The following ZNF816 variants were observed in gnomAD, a reference collection of about 807,000 sequenced individuals.
ZNF816 encodes zinc finger protein 816.
ZNF816 carries 11 observed loss-of-function variants against 8.3 expected under a neutral mutation model. The ratio of observed to expected loss-of-function variants is 1.32; its 90% CI spans 0.83 to 2.19. The LOEUF is 2.19. ZNF816 is among the 30% of genes most tolerant of loss of function. ZNF816 has a pLI of 0.00. For missense variants in ZNF816, 710 were observed against 779.3 expected, an observed-to-expected ratio of 0.91 and a Z score of 1.06; for synonymous variants, 255 against 254.5, an observed-to-expected ratio of 1.00 and a Z score of -0.02.
At chr19:52,962,037 C>T (rs940322075) in intron 1 of ZNF816, among the ~76,000 whole-genome samples, 12 of 152,188 alleles carry the variant, frequency 7.9e-5, no homozygotes, top group East Asian at 1.9e-4. Flanking sequence ...TATACAACAG[C>T]ACAACAAGGA....
chr19:52,961,977 A>G lies in ZNF816; in HGVS notation c.-16+750T>C, dbSNP rs551385722. Among the ~76,000 whole-genome samples, 25 of 152,338 alleles carry G rather than the reference A, an allele frequency of 1.6e-4. No individual in the cohort carries two copies. The South Asian group carries it at 4.6e-3, about 28-fold the overall frequency. On this transcript the variant is annotated intron_variant, in intron 1 of 3. Coordinates refer to ENST00000444460, the MANE Select transcript of ZNF816 (RefSeq NM_001202457.3). Reference sequence around the variant, plus strand: ...CAATACTATGTAGCTAAGGAAAGAAAAAACTTCAGCAACCCCGTAAGAAAG... The same window carrying G: ...CAATACTATGTAGCTAAGGAAAGAAGAAACTTCAGCAACCCCGTAAGAAAG...
In ZNF816 at chr19:52,951,446, A is replaced by C. The variant is rs2083459413; in HGVS notation, c.329T>G (p.Ile110Ser). Residue 110 changes from isoleucine (I) to serine (S), a missense_variant, in exon 4 of 4, where the codon ATT (isoleucine) becomes AGT (serine). Physicochemically the swap from Ile to Ser is moderately radical, Grantham distance 142. Transcript: ENST00000444460. ...TTGCCACTGAAACTCAAAGTGATGAATATCTTTCTTCATTTCTGGGAAGCA... is the reference window on the plus strand; with the variant it reads ...TTGCCACTGAAACTCAAAGTGATGACTATCTTTCTTCATTTCTGGGAAGCA... ...DFCFPEMKKD[I>S]HHFEFQWQEV... 1.9e-6 allele frequency: 3 copies of C among 1,613,924 alleles called. No homozygotes were observed. The highest frequency in any genetic ancestry group is 2.2e-5 in the South Asian group (2 of 91,084).
chr19:52,959,040 C>T (rs2083534334), intron 1 of ZNF816, among the ~76,000 whole-genome samples: 1 of 152,224 alleles, frequency 6.6e-6, no homozygotes, highest in South Asian at 2.1e-4. Context: ...TTGATCCAAA[C>T]TGTGGGGCCC....
chr19:52,961,958 T>C (rs1293929673), intron 1 of ZNF816, among the ~76,000 whole-genome samples: 3 of 152,104 alleles, frequency 2.0e-5, no homozygotes, highest in Non-Finnish European at 4.4e-5. Flanking sequence ...TAGACAATAC[T>C]ATGTAGCTAA....
Position 52,953,015 on chromosome 19 carries a change from A to G in ZNF816, c.64-138T>C. 5 of 1,415,954 alleles carry G rather than the reference A, an allele frequency of 3.5e-6. No individual in the cohort carries two copies. The South Asian group carries it at 8.0e-5, about 23-fold the overall frequency. 87.7% of individuals were successfully genotyped at this position (1,415,954 alleles called of 1,614,324 possible). On this transcript the variant is annotated intron_variant, in intron 2 of 3. Transcript: ENST00000444460. The stretch of plus-strand genomic sequence containing the variant: ...CAAATTTATGTTAAGGTATTTTTGA[A>G]CAATTTTTCAGTATAGTTGCATTTT...
chr19:52,953,527 AATAT>A (rs1327749087), intron 2 of ZNF816: 1 of 53,024 alleles, frequency 1.9e-5, no homozygotes, highest in East Asian at 3.7e-4. Context: ...ATATATTTAT[AATAT>A]ATAATATATA....
intron 2 of ZNF816, among the ~76,000 whole-genome samples, chr19:52,954,409 G>A (rs2083491821): frequency 6.6e-6 from 1 of 152,076 alleles, no homozygotes; most frequent in Non-Finnish European, 1.5e-5. Context: ...AAACAAAACT[G>A]TCAAGGACTC....
intron 2 of ZNF816, among the ~76,000 whole-genome samples, chr19:52,955,589 C>T (rs1405920989): frequency 6.6e-6 from 1 of 152,194 alleles, no homozygotes; most frequent in African/African-American, 2.4e-5. Flanking sequence ...ATTACAAAAT[C>T]AGACACAAAA....
At chr19:52,960,902 G>A (rs1408589220) in intron 1 of ZNF816, among the ~76,000 whole-genome samples, 1 of 152,216 alleles carries the variant, frequency 6.6e-6, no homozygotes, top group Non-Finnish European at 1.5e-5. Context: ...ACACCCGGAA[G>A]CTGACTGGTC....
In ZNF816 at chr19:52,950,059, C is replaced by A. The variant is rs2122132176; in HGVS notation, c.1716G>T (p.Lys572Asn). 1 of 1,613,828 alleles carries A rather than the reference C, an allele frequency of 6.2e-7. No individual in the cohort carries two copies. Among genetic ancestry groups the A allele is most frequent in the East Asian group, 2.2e-5 (1 of 44,842 alleles). ...CAAGGATTCCTTTTTGATTAAAAAC[C>A]TTCGCACATTTATTACACTTGTAAG... ...EKPYKCNKCA[K>N]VFNQKGILAQ... Residue 572 changes from lysine to asparagine, a missense_variant, in exon 4 of 4, where the codon AAG (lysine) becomes AAT (asparagine). Physicochemically the swap from Lys to Asn is moderately conservative, Grantham distance 94. Transcript: ENST00000444460.
rs751005304 is a variant in ZNF816, at chr19:52,952,712, A to G, written c.190+39T>C. 5.0e-6 allele frequency: 8 copies of G among 1,610,216 alleles called. No homozygotes were observed. In the Admixed American group the frequency reaches 5.1e-5, roughly 10 times the overall value. ...AAACCAGAAAGAGCCAAGATAGACA[A>G]GTGCAGATTCCTCATGTCTGGAGGG... On this transcript the variant is annotated intron_variant, in intron 3 of 3. Coordinates refer to ENST00000444460, the MANE Select transcript of ZNF816 (RefSeq NM_001202457.3).
rs372278591 is a variant in ZNF816 at position 52,957,188 on chromosome 19, C to A, written c.-15-1084G>T. Among the ~76,000 whole-genome samples the A allele has an allele frequency of 2.6e-5, 4 of 152,100 alleles. No individual in the cohort carries two copies. The highest frequency in any genetic ancestry group is 7.2e-5 in the African/African-American group (3 of 41,414). The stretch of plus-strand genomic sequence containing the variant: ...TCCGTTGTCTGAGAGGTACTGTCTG[C>A]GGCTCGTCATGCTACATTTCTTGGT... On this transcript the variant is annotated intron_variant, in intron 1 of 3. Transcript: ENST00000444460. The surrounding 1 kb of genome is among the most constrained non-coding windows in gnomAD (Gnocchi z 4.6).
chr19:52,958,862 G>A (rs1434110771), intron 1 of ZNF816, among the ~76,000 whole-genome samples: 1 of 152,202 alleles, frequency 6.6e-6, no homozygotes, highest in East Asian at 1.9e-4. Flanking sequence ...TCTGTACGGA[G>A]TCACAAAGGG....
In ZNF816 at chr19:52,955,999, G is replaced by A. The variant is rs373777996; in HGVS notation, c.63+28C>T. On this transcript the variant is annotated intron_variant, in intron 2 of 3. Transcript: ENST00000444460. ...TGGCACTTCAGAAAGGAAAGAGACAGAAGAATCCACCAAGGAATATCACTT... is the reference window on the plus strand; with the variant it reads ...TGGCACTTCAGAAAGGAAAGAGACAAAAGAATCCACCAAGGAATATCACTT... 7 of 1,594,606 alleles carry A rather than the reference G, an allele frequency of 4.4e-6. No individual in the cohort carries two copies. The African/African-American group carries it at 9.6e-5, about 22-fold the overall frequency.
chr19:52,951,312 G>C lies in ZNF816; in HGVS notation c.463C>G (p.Gln155Glu), dbSNP rs747128636. ...TGCGAATGAAAGCTTAATCCAAGCTGATCTTTAATAGGCTTGTTTCCAGCA... is the reference window on the plus strand; with the variant it reads ...TGCGAATGAAAGCTTAATCCAAGCTCATCTTTAATAGGCTTGTTTCCAGCA... ...RHAGNKPIKD[Q>E]LGLSFHSHLP... The change falls in exon 4 of 4, where the codon CAG becomes GAG. Residue 155 changes from glutamine to glutamate, a missense_variant. Physicochemically the swap from Gln to Glu is conservative, Grantham distance 29 (BLOSUM62 2). Transcript: ENST00000444460. 24 of 1,614,090 alleles carry C rather than the reference G, an allele frequency of 1.5e-5. No homozygotes were observed.
chr19:52,953,720 T>A (rs1600721951), intron 2 of ZNF816, among the ~76,000 whole-genome samples: 1 of 130,930 alleles, frequency 7.6e-6, no homozygotes, highest in African/African-American at 2.8e-5. Flanking sequence ...AGATATTAAA[T>A]ATATATAATA....
At position 52,950,815 on chromosome 19, in the gene ZNF816, C is replaced by T; in HGVS notation, c.960G>A (p.Lys320=). ...TAAGGGATGACTTCTCACTGAAGGT[C>T]TTGCCACACTCATTACACTTGTAAG... ...EKPYKCNECG[K]TFSEKSSLRC... The change falls in exon 4 of 4, where the codon AAG becomes AAA. Residue 320 remains lysine, a synonymous_variant. Coordinates refer to ENST00000444460, the MANE Select transcript of ZNF816 (RefSeq NM_001202457.3). 2.5e-6 allele frequency: 4 copies of T among 1,613,896 alleles called. No individual in the cohort carries two copies. Among genetic ancestry groups the T allele is most frequent in the Non-Finnish European group, 3.4e-6 (4 of 1,180,014 alleles).
Position 52,949,418 on chromosome 19 carries a change from C to T in ZNF816, c.*401G>A. On this transcript the variant is annotated 3_prime_UTR_variant, in exon 4 of 4. Coordinates refer to ENST00000444460, the MANE Select transcript of ZNF816 (RefSeq NM_001202457.3). The stretch of plus-strand genomic sequence containing the variant: ...TTTTTTATATTCATTTTATTTGGAA[C>T]AATTATCTCAAAAATGAATTTTCTG... 2 of 294,004 alleles carry T rather than the reference C, an allele frequency of 6.8e-6. No individual in the cohort carries two copies. The highest frequency in any genetic ancestry group is 7.9e-5 in the South Asian group (2 of 25,348). The allele number at this position is 294,004 out of a possible 1,614,324, so 18.2% of individuals were successfully genotyped here.
rs753180907 is a variant in ZNF816, at chr19:52,949,774, T to G, written c.*45A>C. On this transcript the variant is annotated 3_prime_UTR_variant, in exon 4 of 4. Coordinates refer to ENST00000444460, the MANE Select transcript of ZNF816 (RefSeq NM_001202457.3). Reference sequence around the variant, plus strand: ...TCTCTCTTCAATATGGATTCTGTAATGATTTGCAATGGTTGTAGCATTACT... The same window carrying G: ...TCTCTCTTCAATATGGATTCTGTAAGGATTTGCAATGGTTGTAGCATTACT... 1 of 1,610,530 alleles carries G rather than the reference T, an allele frequency of 6.2e-7. No individual in the cohort carries two copies. The highest frequency in any genetic ancestry group is 2.2e-5 in the East Asian group (1 of 44,764).
Sources: gnomAD v4.1 joint callset for allele counts (sites outside exome capture counted in the v4.1 genomes callset) on GRCh38, gnomAD v4.1.1 for gene constraint, Gnocchi (gnomAD v3.1) non-coding constraint, MANE v1.5 for transcripts, NCBI Gene and HGNC (gene_info 2026-07-23, HGNC 2026-07-21) for gene names.